Variants in CSPG4 observed in about 807,000 individuals in gnomAD.
The protein encoded by CSPG4 is chondroitin sulfate proteoglycan 4, also known as chondroitin sulfate proteoglycan 4 (melanoma-associated).
CSPG4 carries 74 observed loss-of-function variants against 139.3 expected under a neutral mutation model. The ratio of observed to expected loss-of-function variants is 0.53; its 90% CI spans 0.44 to 0.64. The LOEUF is 0.64. CSPG4 is among the 30% of genes least tolerant of loss of function. The pLI is 0.00. For synonymous variants in CSPG4, 1,234 were observed against 1,394.2 expected, an observed-to-expected ratio of 0.89 and a Z score of 2.56; for missense variants, 2,565 against 3,148.3, an observed-to-expected ratio of 0.81 and a Z score of 4.43.
At chr15:75,701,971 C>T (rs766082126) in intron 1 of CSPG4, among the ~76,000 whole-genome samples, 1 of 152,242 alleles carries the variant, frequency 6.6e-6, no homozygotes, top group Admixed American at 6.5e-5. Flanking sequence ...TCTCCTTCAA[C>T]TTCATCTTCC....
In CSPG4 at chr15:75,688,354, T is replaced by C. The variant is rs761969202; in HGVS notation, c.2711A>G (p.Asn904Ser). The C allele has an allele frequency of 3.7e-6, 6 of 1,613,280 alleles. No homozygotes were observed. Among genetic ancestry groups the C allele is most frequent in the Non-Finnish European group, 5.1e-6 (6 of 1,180,020 alleles). The stretch of plus-strand genomic sequence containing the variant: ...ACCCTCAGGCACCACGAGGAGGACA[T>C]TGGTGAGGACAGGCGCATCTGGGTC... ...GGDPDAPVLT[N>S]VLLVVPEGGE... The change falls in exon 3 of 10, where the codon AAT becomes AGT. Residue 904 changes from asparagine to serine, a missense_variant. Around this residue, in one of 5 missense-constraint regions of CSPG4, gnomAD observed 2,316 missense variants for 2,818.2 expected, o/e 0.82. Coordinates refer to ENST00000308508, the MANE Select transcript of CSPG4 (RefSeq NM_001897.5).
intron 1 of CSPG4, among the ~76,000 whole-genome samples, chr15:75,704,505 G>T (rs981540478): frequency 6.6e-6 from 1 of 152,168 alleles, no homozygotes; most frequent in Non-Finnish European, 1.5e-5. Context: ...CAGCCACCTG[G>T]ATTCCATTAA....
rs1169390875 is a variant in CSPG4, at chr15:75,688,722, T to C, written c.2343A>G (p.Arg781=). The change falls in exon 3 of 10, where the codon AGA becomes AGG. Residue 781 remains arginine, a synonymous_variant. Transcript: ENST00000308508. The stretch of plus-strand genomic sequence containing the variant: ...CCAGCCGCAGCATCCACACAGTGGC[T>C]CTCTGGATGGTCACTGGGAAGGACA... ...SNLSFPVTIQ[R]ATVWMLRLEP... 1 of 1,611,316 alleles carries C rather than the reference T, an allele frequency of 6.2e-7. No homozygotes were observed. The highest frequency in any genetic ancestry group is 1.7e-4 in the Middle Eastern group (1 of 6,018).
At position 75,688,824 on chromosome 15, in the gene CSPG4, G is replaced by A. The variant is rs1894107332; in HGVS notation, c.2241C>T (p.Asp747=). 3.1e-6 allele frequency: 5 copies of A among 1,612,856 alleles called. No individual in the cohort carries two copies. Among genetic ancestry groups the A allele is most frequent in the Non-Finnish European group, 4.2e-6 (5 of 1,179,980 alleles). The change falls in exon 3 of 10, where the codon GAC becomes GAT. Residue 747 remains aspartate (D), a synonymous_variant. Coordinates refer to ENST00000308508, the MANE Select transcript of CSPG4 (RefSeq NM_001897.5). ...CGGTGTCGTAAGCGTGGTGCTGTGG[G>A]TCAGTGCTCAGGTACCTCACGCGGC... The part of the protein sequence containing the change: ...EQGRVRYLST[D]PQHHAYDTVE...
chr15:75,689,331 G>A lies in CSPG4; in HGVS notation c.1734C>T (p.Phe578=). ...AGGCAGAGTCCGGGTCATAGGCCTGGAAAACCTCAGGCCCCAGCGGCTTCT... is the reference window on the plus strand; with the variant it reads ...AGGCAGAGTCCGGGTCATAGGCCTGAAAAACCTCAGGCCCCAGCGGCTTCT... ...HTQKPLGPEV[F]QAYDPDSACE... Residue 578 remains phenylalanine, a synonymous_variant, in exon 3 of 10, where the codon TTC becomes TTT. Transcript: ENST00000308508. 1 of 1,611,288 alleles carries A rather than the reference G, an allele frequency of 6.2e-7. No individual in the cohort carries two copies. The highest frequency in any genetic ancestry group is 1.1e-5 in the South Asian group (1 of 91,010).
chr15:75,692,273 C>T (rs748171879), intron 2 of CSPG4, among the ~76,000 whole-genome samples: 3 of 152,148 alleles, frequency 2.0e-5, no homozygotes, highest in Non-Finnish European at 2.9e-5. Flanking sequence ...CATGAGCCAC[C>T]GCGTCCGGTT....
chr15:75,708,916 G>A (rs1218701491), intron 1 of CSPG4, among the ~76,000 whole-genome samples: 1 of 152,210 alleles, frequency 6.6e-6, no homozygotes, highest in Non-Finnish European at 1.5e-5. Flanking sequence ...CAGCTACTCA[G>A]GAGGCTGAGG....
At chr15:75,693,869 AGCGTCGGG>A (rs1894194736) in intron 1 of CSPG4, among the ~76,000 whole-genome samples, 6 of 152,172 alleles carry the variant, frequency 3.9e-5, no homozygotes, top group Admixed American at 3.3e-4. Flanking sequence ...GCTGCCATTG[AGCGTCGGG>A]GCAGGAGCTT....
chr15:75,697,219 TC>T (rs1894239361), intron 1 of CSPG4, among the ~76,000 whole-genome samples: 1 of 152,196 alleles, frequency 6.6e-6, no homozygotes, highest in Non-Finnish European at 1.5e-5. Context: ...CCTCCGGCCA[TC>T]CCTGCTGCCA....
chr15:75,693,077 C>G lies in CSPG4; in HGVS notation c.245G>C (p.Arg82Pro), dbSNP rs755880324. Residue 82 changes from arginine (R) to proline (P), a missense_variant, in exon 2 of 10, where the codon CGC (arginine) becomes CCC (proline). Physicochemically the swap from Arg to Pro is moderately radical, Grantham distance 103. Around this residue, in one of 5 missense-constraint regions of CSPG4, gnomAD observed 30 missense variants for 60.1 expected, o/e 0.50. Transcript: ENST00000308508. ...DHLLLQLYSG[R>P]LQVRLVLGQE... is the part of the protein sequence containing the mutation. ...CAGGGGGACGTCACTCACCTGCAGG[C>G]GTCCAGAGTAGAGCTGCAGCAGGAG... 4 of 1,475,294 alleles carry G rather than the reference C, an allele frequency of 2.7e-6. No homozygotes were observed. Among genetic ancestry groups the G allele is most frequent in the Non-Finnish European group, 3.7e-6 (4 of 1,077,052 alleles). 91.4% of individuals were successfully genotyped at this position (1,475,294 alleles called of 1,614,324 possible).
At chr15:75,710,213 T>G (rs1370581763) in intron 1 of CSPG4, among the ~76,000 whole-genome samples, 1 of 152,164 alleles carries the variant, frequency 6.6e-6, no homozygotes, top group Non-Finnish European at 1.5e-5. Flanking sequence ...TGCCTTTCAG[T>G]CAGTGATGCC....
rs1348931653 is a variant in CSPG4 at position 75,676,568 on chromosome 15, C to T, written c.5951G>A (p.Gly1984Glu). 1 of 1,613,568 alleles carries T rather than the reference C, an allele frequency of 6.2e-7. No homozygotes were observed. Among genetic ancestry groups the T allele is most frequent in the South Asian group, 1.1e-5 (1 of 91,088 alleles). The change falls in exon 10 of 10, where the codon GGA becomes GAA. Residue 1984 changes from glycine (G) to glutamate (E), a missense_variant. By Grantham distance (98) the Gly-to-Glu change is moderately conservative (BLOSUM62 -2). Coordinates refer to ENST00000308508, the MANE Select transcript of CSPG4 (RefSeq NM_001897.5). ...EPEAAYRLIQ[G>E]PQYGHLLVGG... ...CACCAGGAGATGCCCATACTGGGGT[C>T]CCTGGATGAGGCGGTATGCTGCCTC...
chr15:75,692,226 C>T (rs1292407647), intron 2 of CSPG4, among the ~76,000 whole-genome samples: 1 of 152,170 alleles, frequency 6.6e-6, no homozygotes, highest in Non-Finnish European at 1.5e-5. Flanking sequence ...TCAGGTGATC[C>T]ACCCGCCTCA....
intron 8 of CSPG4, among the ~76,000 whole-genome samples, chr15:75,681,517 T>G (rs1168860350): frequency 3.3e-5 from 5 of 152,226 alleles, no homozygotes; most frequent in African/African-American, 1.2e-4. Context: ...TGTCATCATG[T>G]GCTGGGTCCA....
chr15:75,697,951 G>A (rs1248313286), intron 1 of CSPG4, among the ~76,000 whole-genome samples: 1 of 152,236 alleles, frequency 6.6e-6, no homozygotes, highest in Non-Finnish European at 1.5e-5. Context: ...AACTGAGAAG[G>A]AGAAATCAAG....
chr15:75,707,994 C>A (rs1007405593), intron 1 of CSPG4, among the ~76,000 whole-genome samples: 1 of 151,286 alleles, frequency 6.6e-6, no homozygotes. Flanking sequence ...CTCCTGAGGA[C>A]TCACTGTGTG....
At chr15:75,695,227 G>A (rs1161529405) in intron 1 of CSPG4, among the ~76,000 whole-genome samples, 7 of 152,130 alleles carry the variant, frequency 4.6e-5, no homozygotes, top group Non-Finnish European at 7.3e-5. Context: ...ATGTAGACCC[G>A]CCAAGTCATG....
At position 75,689,502 on chromosome 15, in the gene CSPG4, C is replaced by T. The variant is rs1894126696; in HGVS notation, c.1563G>A (p.Glu521=). Residue 521 remains glutamate (E), a synonymous_variant, in exon 3 of 10, where the codon GAG becomes GAA. Coordinates refer to ENST00000308508, the MANE Select transcript of CSPG4 (RefSeq NM_001897.5). ...TGGGCACCCGAGCCGTCACCGACAC[C>T]TCCAGCACCAGCTGGTCGGAGGTGT... The part of the protein sequence containing the change: ...SEDTSDQLVL[E]VSVTARVPMP... The T allele has an allele frequency of 6.3e-7, 1 of 1,595,456 alleles. No homozygotes were observed. Among genetic ancestry groups the T allele is most frequent in the African/African-American group, 1.6e-5 (1 of 64,180 alleles).
At position 75,684,812 on chromosome 15, in the gene CSPG4, T is replaced by G. The variant is rs776357975; in HGVS notation, c.4373A>C (p.His1458Pro). ...GACAGTGACAGTGAAGGCCACAGGATGGCTCTGGCGATCCATCTCGGAGGC... is the reference window on the plus strand; with the variant it reads ...GACAGTGACAGTGAAGGCCACAGGAGGGCTCTGGCGATCCATCTCGGAGGC... ...ANASEMDRQS[H>P]PVAFTVTVLP... is the part of the protein sequence containing the mutation. Residue 1458 changes from histidine to proline, a missense_variant, in exon 5 of 10, where the codon CAT (histidine) becomes CCT (proline). By Grantham distance (77) the His-to-Pro change is moderately conservative. Around this residue, in one of 5 missense-constraint regions of CSPG4, gnomAD observed 2,316 missense variants for 2,818.2 expected, o/e 0.82. Coordinates refer to ENST00000308508, the MANE Select transcript of CSPG4 (RefSeq NM_001897.5). The G allele has an allele frequency of 1.9e-6, 3 of 1,613,632 alleles. No homozygotes were observed. The highest frequency in any genetic ancestry group is 2.5e-6 in the Non-Finnish European group (3 of 1,179,882).
Sources: allele counts gnomAD v4.1 joint callset (sites outside exome capture counted in the v4.1 genomes callset), GRCh38; gene constraint gnomAD v4.1.1; regional missense constraint gnomAD v4.1.1; transcripts MANE v1.5; gene names NCBI Gene and HGNC (gene_info 2026-07-23, HGNC 2026-07-21).